The following XPO6 variants were observed in gnomAD, a reference collection of about 807,000 sequenced individuals.
XPO6 encodes exportin 6, also known as exportin-6.
A neutral mutation model predicts 130.0 loss-of-function variants in XPO6; 3 were observed. The ratio of observed to expected loss-of-function variants is 0.02; its 90% CI spans 0.01 to 0.06. The LOEUF (loss-of-function observed/expected upper bound fraction) is 0.06, where lower values mean the gene tolerates loss of function less well. Ranked by LOEUF, XPO6 falls within the 10% of genes least tolerant of loss-of-function variation. The probability of loss-of-function intolerance (pLI) is 1.00; values close to 1 mark genes in which losing one functional copy is unlikely to be tolerated. For missense variants in XPO6, 970 were observed against 1,393.0 expected, an observed-to-expected ratio of 0.70 and a Z score of 4.83; for synonymous variants, 524 against 548.9, an observed-to-expected ratio of 0.95 and a Z score of 0.63.
chr16:28,200,200 GATT>G (rs1416164886), intron 1 of XPO6, among the ~76,000 whole-genome samples: 2 of 151,552 alleles, frequency 1.3e-5, no homozygotes, highest in Non-Finnish European at 2.9e-5. Flanking sequence ...TCTCAGGTCT[GATT>G]ATTAATGAGT....
In XPO6 at chr16:28,118,577, A is replaced by C. The variant is rs975279856; in HGVS notation, c.1860-1115T>G. On this transcript the variant is annotated intron_variant, in intron 14 of 23. Transcript: ENST00000304658. ...GGTCTATGTTGGCCAGGCTGGTCTC[A>C]AACTCCTGACTTCAAGCGATCCTTC... is the stretch of plus-strand genomic sequence containing the variant. 4.6e-5 allele frequency among the ~76,000 whole-genome samples: 7 copies of C among 152,156 alleles called. No homozygotes were observed. In the East Asian group the frequency reaches 1.3e-3, roughly 29 times the overall value.
At position 28,135,278 on chromosome 16, in the gene XPO6, T is replaced by C; in HGVS notation, c.1381A>G (p.Ile461Val). The C allele has an allele frequency of 6.2e-7, 1 of 1,614,052 alleles. No individual in the cohort carries two copies. Among genetic ancestry groups the C allele is most frequent in the Non-Finnish European group, 8.5e-7 (1 of 1,179,964 alleles). The change falls in exon 10 of 24, where the codon ATC (isoleucine) becomes GTC (valine). Residue 461 changes from isoleucine to valine, a missense_variant. This residue lies in a region of XPO6 where 936 missense variants were observed against 1,306.8 expected (regional missense o/e 0.72). Transcript: ENST00000304658. Reference protein sequence around the residue: ...VLLLTEVLNRIQFRYNQAQLE... With the variant: ...VLLLTEVLNRVQFRYNQAQLE... ...TGGGCTTGGTTGTATCTGAACTGGA[T>C]TCGATTCAACACCTCTGTGAGCAGG...
chr16:28,165,645 C>T (rs2043345601), intron 6 of XPO6, among the ~76,000 whole-genome samples: 1 of 152,184 alleles, frequency 6.6e-6, no homozygotes, highest in Admixed American at 6.5e-5. Flanking sequence ...CAACAGGCTA[C>T]ATAAAACAGC....
At chr16:28,115,796 T>C (rs2087039466) in intron 15 of XPO6, among the ~76,000 whole-genome samples, 1 of 152,248 alleles carries the variant, frequency 6.6e-6, no homozygotes, top group Non-Finnish European at 1.5e-5. Context: ...TTGTTTAGTA[T>C]GGCCACCTTC....
At chr16:28,102,023 G>T in intron 21 of XPO6, 78 bp from the exon 22 acceptor site, 2 of 1,239,592 alleles carry the variant, frequency 1.6e-6, no homozygotes. Flanking sequence ...AGAAGAACAA[G>T]TGCCAGGGCC....
intron 9 of XPO6, among the ~76,000 whole-genome samples, chr16:28,136,176 T>C (rs1214960459): frequency 6.6e-6 from 1 of 152,144 alleles, no homozygotes; most frequent in Non-Finnish European, 1.5e-5. Flanking sequence ...CAAAATCATG[T>C]TCTCGCTACA....
intron 5 of XPO6, among the ~76,000 whole-genome samples, chr16:28,168,215 T>C (rs899983128): frequency 1.3e-5 from 2 of 152,196 alleles, no homozygotes; most frequent in Non-Finnish European, 2.9e-5. Context: ...CCAGGCACAG[T>C]GGCTCATGCC....
intron 1 of XPO6, among the ~76,000 whole-genome samples, chr16:28,188,172 G>A (rs1265732543): frequency 1.3e-5 from 2 of 152,126 alleles, no homozygotes; most frequent in African/African-American, 4.8e-5. Context: ...AAACCCCCAG[G>A]TTCAAGCAAT....
intron 1 of XPO6, among the ~76,000 whole-genome samples, chr16:28,187,226 C>G (rs1264604306): frequency 6.6e-6 from 1 of 152,210 alleles, no homozygotes; most frequent in East Asian, 1.9e-4. Context: ...TAAGCGAGTA[C>G]CTAGCCCCAT....
intron 17 of XPO6, among the ~76,000 whole-genome samples, chr16:28,110,069 G>C (rs960132092): frequency 6.6e-6 from 1 of 151,954 alleles, no homozygotes; most frequent in African/African-American, 2.4e-5. Flanking sequence ...AAAGTATAAA[G>C]TTGAGATAAG....
intron 4 of XPO6, among the ~76,000 whole-genome samples, chr16:28,172,208 C>A (rs1448449547): frequency 1.3e-5 from 2 of 152,194 alleles, no homozygotes; most frequent in East Asian, 1.9e-4. Flanking sequence ...TTTTTCCTCT[C>A]ATTAGCTTTG....
At chr16:28,157,390 G>A (rs915494188) in intron 6 of XPO6, among the ~76,000 whole-genome samples, 2 of 152,140 alleles carry the variant, frequency 1.3e-5, no homozygotes, top group Admixed American at 1.3e-4. Flanking sequence ...AGGAGGTGGA[G>A]GTTGCAGTGA....
chr16:28,107,724 G>A (rs760099935), intron 17 of XPO6, 47 bp from the exon 18 acceptor site: 1 of 1,604,020 alleles, frequency 6.2e-7, no homozygotes, highest in Admixed American at 1.7e-5. Context: ...TGGGGAGAAA[G>A]CATGGTAAGA....
intron 9 of XPO6, among the ~76,000 whole-genome samples, chr16:28,142,200 TC>T (rs2042907780): frequency 6.6e-6 from 1 of 152,222 alleles, no homozygotes; most frequent in Admixed American, 6.5e-5. Flanking sequence ...TTCCAGAACA[TC>T]CCAACTTCTC....
At position 28,142,707 on chromosome 16, in the gene XPO6, A is replaced by G. The variant is rs543451890; in HGVS notation, c.1334+3387T>C. 2.5e-4 allele frequency among the ~76,000 whole-genome samples: 38 copies of G among 152,256 alleles called. 1 individual carries two copies. The East Asian group carries it at 7.1e-3, about 29-fold the overall frequency. On this transcript the variant is annotated intron_variant, in intron 9 of 23. Coordinates refer to ENST00000304658, the MANE Select transcript of XPO6 (RefSeq NM_015171.4). ...TGCTTCAGCCTCCTGAGTAGCCGGGACTACAGGCATGCACCACCATGCCTG... is the reference window on the plus strand; with the variant it reads ...TGCTTCAGCCTCCTGAGTAGCCGGGGCTACAGGCATGCACCACCATGCCTG...
At chr16:28,099,555 TG>T (rs987265190) in intron 23 of XPO6, among the ~76,000 whole-genome samples, 10 of 152,376 alleles carry the variant, frequency 6.6e-5, no homozygotes, top group African/African-American at 2.4e-4. Context: ...GTCTGCCTCC[TG>T]CTTCGCAGCT....
rs1398912504 is a variant in XPO6, at chr16:28,106,553, C to G, written c.2498-56G>C. 2.1e-5 allele frequency: 31 copies of G among 1,441,992 alleles called. No homozygotes were observed. The highest frequency in any genetic ancestry group is 5.1e-5 in the Admixed American group (3 of 59,096). 89.3% of individuals were successfully genotyped at this position (1,441,992 alleles called of 1,614,324 possible). A position where few individuals can be genotyped will look rare whatever the true frequency, so the allele number is the denominator to read the frequency against. ...GCTTGCACACAGTGAGAACCAGAAC[C>G]CTGGGCTTCATCAACCTACTCCTGA... On this transcript the variant is annotated intron_variant, in intron 18 of 23. Transcript: ENST00000304658. This position sits in a 1 kb window ranked among gnomAD's most constrained non-coding sequence, Gnocchi z 4.2.
At chr16:28,210,246 A>G (rs2044104001) in intron 1 of XPO6, among the ~76,000 whole-genome samples, 1 of 152,224 alleles carries the variant, frequency 6.6e-6, no homozygotes, top group African/African-American at 2.4e-5. Context: ...CAGGACCTAC[A>G]CACTACCCAC....
intron 21 of XPO6, 141 bp downstream of exon 21, chr16:28,104,405 T>C: frequency 1.8e-6 from 2 of 1,104,152 alleles, no homozygotes; most frequent in Non-Finnish European, 2.5e-6. Flanking sequence ...AAACTGAGGC[T>C]CCAAGAAATT....
Sources: allele counts gnomAD v4.1 joint callset (sites outside exome capture counted in the v4.1 genomes callset), GRCh38; gene constraint gnomAD v4.1.1; regional missense constraint gnomAD v4.1.1; non-coding constraint Gnocchi (gnomAD v3.1); transcripts MANE v1.5; gene names NCBI Gene and HGNC (gene_info 2026-07-23, HGNC 2026-07-21).